AHDC1: variants seen among roughly 807,000 people sequenced by gnomAD.
AHDC1 encodes AT-hook DNA binding motif containing 1.
A neutral mutation model predicts 87.9 loss-of-function variants in AHDC1; 7 were observed. The observed-to-expected ratio is 0.08, with a 90% confidence interval of 0.05 to 0.15. AHDC1 has a LOEUF of 0.15. Among genes scored for constraint, AHDC1 ranks in the 10% least tolerant of loss-of-function variants. The pLI, the probability that AHDC1 is intolerant of heterozygous loss-of-function variation, is 1.00. For synonymous variants in AHDC1, 1,051 were observed against 1,006.8 expected (o/e 1.04, Z -0.83); for missense variants, 1,841 against 2,253.2 (o/e 0.82, Z 3.70).
chr1:27,592,578 C>T (rs1361970345), intron 3 of AHDC1, among the ~76,000 whole-genome samples: 2 of 151,952 alleles, frequency 1.3e-5, no homozygotes, highest in South Asian at 2.1e-4. Flanking sequence ...CCGCCCTCCC[C>T]CCCCCAGGCC....
At chr1:27,588,966 G>C (rs2089146957) in intron 3 of AHDC1, among the ~76,000 whole-genome samples, 1 of 152,074 alleles carries the variant, frequency 6.6e-6, no homozygotes, top group Non-Finnish European at 1.5e-5. Flanking sequence ...CTATGTATGG[G>C]GGGGCTGTTG....
In AHDC1 at chr1:27,550,976, G is replaced by A. The variant is rs1432545785; in HGVS notation, c.1140C>T (p.Pro380=). ...PHGPPGPEGH[P]KYALRRTDRP... is the part of the protein sequence containing the mutation. ...TATCAGTGCGCCGCAAGGCGTACTT[G>A]GGGTGACCCTCAGGCCCGGGGGGGC... Residue 380 remains proline (P), a synonymous_variant, in exon 8 of 9, where the codon CCC becomes CCT. Transcript: ENST00000673934. 1 of 1,591,688 alleles carries A rather than the reference G, an allele frequency of 6.3e-7. No homozygotes were observed. Among genetic ancestry groups the A allele is most frequent in the Non-Finnish European group, 8.5e-7 (1 of 1,175,436 alleles).
chr1:27,551,534 G>A lies in AHDC1; in HGVS notation c.582C>T (p.Ser194=), dbSNP rs755014354. Residue 194 remains serine (S), a synonymous_variant, in exon 8 of 9, where the codon AGC becomes AGT. Coordinates refer to ENST00000673934, the MANE Select transcript of AHDC1 (RefSeq NM_001371928.1). The stretch of plus-strand genomic sequence containing the variant: ...CAGGCTCAGGCTCGTAGAGGGGATG[G>A]CTGGGCCGCTCCGACTTGGCGTGTG... The part of the protein sequence containing the change: ...ATPHAKSERP[S]HPLYEPEPEP... 2 of 1,605,122 alleles carry A rather than the reference G, an allele frequency of 1.2e-6. No homozygotes were observed. The highest frequency in any genetic ancestry group is 1.3e-5 in the African/African-American group (1 of 74,822).
rs771077254 is a variant in AHDC1 at position 27,558,568 on chromosome 1, A to G, written c.-450-38T>C. 2.5e-6 allele frequency: 1 copy of G among 396,092 alleles called. No individual in the cohort carries two copies. Among genetic ancestry groups the G allele is most frequent in the Non-Finnish European group, 4.4e-6 (1 of 225,062 alleles). 24.5% of individuals were successfully genotyped at this position (396,092 alleles called of 1,614,324 possible). A position where few individuals can be genotyped will look rare whatever the true frequency, so the allele number is the denominator to read the frequency against. ...GAGTTTGAGTAAATGTTGGGTTAAT[A>G]TGTTTTGATTCTGTAAAGAAGCTCT... is the stretch of plus-strand genomic sequence containing the variant. On this transcript the variant is annotated intron_variant, in intron 4 of 8. Transcript: ENST00000673934. The surrounding 1 kb of genome is among the most constrained non-coding windows in gnomAD (Gnocchi z 5.6).
rs527817056 is a variant in AHDC1 at position 27,552,022 on chromosome 1, G to C, written c.94C>G (p.Pro32Ala). The C allele has an allele frequency of 6.3e-6, 6 of 952,578 alleles. No homozygotes were observed. Among genetic ancestry groups the C allele is most frequent in the African/African-American group, 1.8e-5 (1 of 56,592 alleles). 59.0% of individuals were successfully genotyped at this position (952,578 alleles called of 1,614,324 possible). A position where few individuals can be genotyped will look rare whatever the true frequency, so the allele number is the denominator to read the frequency against. ...LREPKYYPGG[P>A]PTPRPLLPTR... ...GGAAGCAGGGGCCGGGGGGTGGGGG[G>C]GCCGCCGGGGTAGTACTTGGGTTCC... The change falls in exon 8 of 9, where the codon CCC becomes GCC. Residue 32 changes from proline (P) to alanine (A), a missense_variant. This residue lies in a region of AHDC1 where 142 missense variants were observed against 165.6 expected (regional missense o/e 0.86). Coordinates refer to ENST00000673934, the MANE Select transcript of AHDC1 (RefSeq NM_001371928.1).
chr1:27,548,385 G>T lies in AHDC1; in HGVS notation c.3731C>A (p.Ala1244Asp). Residue 1244 changes from alanine (A) to aspartate (D), a missense_variant, in exon 8 of 9, where the codon GCC becomes GAC. Ala to Asp is a moderately radical substitution (Grantham distance 126). Around this residue, in one of 13 missense-constraint regions of AHDC1, gnomAD observed 505 missense variants for 626.2 expected, o/e 0.81. Transcript: ENST00000673934. Reference protein sequence around the residue: ...GRRKKVDLFEASHLGFPTSAS... With the variant: ...GRRKKVDLFEDSHLGFPTSAS... ...GGATGTCGGGAAGCCCAGATGTGAG[G>T]CCTCGAACAGGTCCACCTTCTTCCG... 1 of 1,607,978 alleles carries T rather than the reference G, an allele frequency of 6.2e-7. No individual in the cohort carries two copies.
At chr1:27,559,732 T>C (rs1557676994) in intron 3 of AHDC1, among the ~76,000 whole-genome samples, 1 of 152,202 alleles carries the variant, frequency 6.6e-6, no homozygotes, top group Non-Finnish European at 1.5e-5. Context: ...TAACTAGTTA[T>C]GTCTCTTGTT....
chr1:27,551,123 G>A lies in AHDC1; in HGVS notation c.993C>T (p.Pro331=), dbSNP rs1271478732. The change falls in exon 8 of 9, where the codon CCC becomes CCT. Residue 331 remains proline (P), a synonymous_variant. Transcript: ENST00000673934. ...PDSLESQLLD[P]QALDPLPKLL... ...GCTTGGGCAGGGGGTCGAGTGCCTG[G>A]GGGTCAAGCAGCTGCGACTCCAAGG... is the stretch of plus-strand genomic sequence containing the variant. The A allele has an allele frequency of 2.5e-6, 4 of 1,591,542 alleles. No homozygotes were observed. Among genetic ancestry groups the A allele is most frequent in the South Asian group, 1.1e-5 (1 of 89,346 alleles).
intron 5 of AHDC1, chr1:27,553,400 T>A (rs772839668): frequency 5.9e-5 from 9 of 152,194 alleles, no homozygotes; most frequent in Non-Finnish European, 1.2e-4. Context: ...AAGTACCTAC[T>A]TTGGACAAGG....
At position 27,560,899 on chromosome 1, in the gene AHDC1, G is replaced by A. The variant is rs556711576; in HGVS notation, c.-628-2016C>T. Among the ~76,000 whole-genome samples, 3 of 152,198 alleles carry A rather than the reference G, an allele frequency of 2.0e-5. No homozygotes were observed. The highest frequency in any genetic ancestry group is 4.4e-5 in the Non-Finnish European group (3 of 67,998). ...TGAGATACCCTTTGTGAGACGGTGT[G>A]TGTGTGTCTGTGTCACTGTGTTTGT... On this transcript the variant is annotated intron_variant, in intron 3 of 8. Transcript: ENST00000673934. The surrounding 1 kb of genome is among the most constrained non-coding windows in gnomAD (Gnocchi z 4.1).
Position 27,558,747 on chromosome 1 carries a change from C to T in AHDC1, c.-492G>A, listed in dbSNP as rs2019936320. 5.0e-6 allele frequency: 2 copies of T among 398,672 alleles called. No homozygotes were observed. Among genetic ancestry groups the T allele is most frequent in the Non-Finnish European group, 8.8e-6 (2 of 226,086 alleles). 24.7% of individuals were successfully genotyped at this position (398,672 alleles called of 1,614,324 possible). On this transcript the variant is annotated 5_prime_UTR_variant, in exon 4 of 9. Coordinates refer to ENST00000673934, the MANE Select transcript of AHDC1 (RefSeq NM_001371928.1). The surrounding 1 kb of genome is among the most constrained non-coding windows in gnomAD (Gnocchi z 5.6). ...GATAGGCTGGGCTCAGCAGGAAAGG[C>T]CTGTCTTCATCAGCATCTCCAGGGT...
Position 27,548,835 on chromosome 1 carries a change from G to C in AHDC1, c.3281C>G (p.Pro1094Arg). The change falls in exon 8 of 9, where the codon CCC becomes CGC. Residue 1094 changes from proline to arginine, a missense_variant. Physicochemically the swap from Pro to Arg is moderately radical, Grantham distance 103. Coordinates refer to ENST00000673934, the MANE Select transcript of AHDC1 (RefSeq NM_001371928.1). ...AASSSSSSFQ[P>R]SPENCRQFAG... ...AAACTGCCGACAGTTCTCGGGCGAG[G>C]GCTGGAAGGAGGAGGAGGAGGAGGA... The C allele has an allele frequency of 1.2e-6, 2 of 1,613,090 alleles. No homozygotes were observed. The highest frequency in any genetic ancestry group is 2.2e-5 in the South Asian group (2 of 91,086).
chr1:27,549,163 T>C lies in AHDC1; in HGVS notation c.2953A>G (p.Lys985Glu). The C allele has an allele frequency of 6.4e-7, 1 of 1,570,422 alleles. No individual in the cohort carries two copies. The highest frequency in any genetic ancestry group is 1.7e-4 in the Middle Eastern group (1 of 5,868). ...GCGCAGTCCTGGCCTGTAAAGGGCT[T>C]AGTTGGGGCGAATACGCTTTGTCCG... ...GAGQSVFAPT[K>E]PFTGQDCANS... The change falls in exon 8 of 9, where the codon AAG (lysine) becomes GAG (glutamate). Residue 985 changes from lysine to glutamate, a missense_variant. By Grantham distance (56) the Lys-to-Glu change is moderately conservative. Around this residue, in one of 13 missense-constraint regions of AHDC1, gnomAD observed 378 missense variants for 399.0 expected, o/e 0.95. Transcript: ENST00000673934.
intron 3 of AHDC1, among the ~76,000 whole-genome samples, chr1:27,585,499 TA>T (rs2089028837): frequency 6.6e-6 from 1 of 152,202 alleles, no homozygotes; most frequent in Non-Finnish European, 1.5e-5. Context: ...GTAAACACTA[TA>T]TACATGTTTG....
intron 3 of AHDC1, among the ~76,000 whole-genome samples, chr1:27,571,597 C>T (rs543062739): frequency 1.6e-4 from 24 of 152,242 alleles, no homozygotes; most frequent in Non-Finnish European, 2.9e-4. Context: ...CTCAGGAATT[C>T]CACCAGCCAA....
chr1:27,554,061 C>A (rs1442243919), intron 5 of AHDC1, among the ~76,000 whole-genome samples: 1 of 152,112 alleles, frequency 6.6e-6, no homozygotes, highest in East Asian at 1.9e-4. Flanking sequence ...AGAGTGAGAT[C>A]CTTTCTCCAA....
chr1:27,537,387 C>T (rs375447642), intron 8 of AHDC1, among the ~76,000 whole-genome samples: 7 of 152,322 alleles, frequency 4.6e-5, no homozygotes, highest in African/African-American at 1.2e-4. Flanking sequence ...GGCTGTGCCA[C>T]GGAAGGTCCT....
chr1:27,584,655 G>A (rs1458733294), intron 3 of AHDC1, among the ~76,000 whole-genome samples: 1 of 152,136 alleles, frequency 6.6e-6, no homozygotes, highest in Non-Finnish European at 1.5e-5. Context: ...AGCGGGGTGA[G>A]CTGTGCTCTA....
In AHDC1 at chr1:27,550,250, C is replaced by T; in HGVS notation, c.1866G>A (p.Leu622=). Residue 622 remains leucine (L), a synonymous_variant, in exon 8 of 9, where the codon CTG becomes CTA. Coordinates refer to ENST00000673934, the MANE Select transcript of AHDC1 (RefSeq NM_001371928.1). ...YSDVLAKLAF[L]NRQSQCAGRC... Reference sequence around the variant, plus strand: ...GTCCAGCGCACTGGCTCTGGCGGTTCAGGAAGGCCAGCTTGGCCAGGACGT... The same window carrying T: ...GTCCAGCGCACTGGCTCTGGCGGTTTAGGAAGGCCAGCTTGGCCAGGACGT... 6.2e-7 allele frequency: 1 copy of T among 1,613,916 alleles called. No homozygotes were observed. Among genetic ancestry groups the T allele is most frequent in the Non-Finnish European group, 8.5e-7 (1 of 1,179,990 alleles).
Sources: allele counts gnomAD v4.1 joint callset (sites outside exome capture counted in the v4.1 genomes callset), GRCh38; gene constraint gnomAD v4.1.1; regional missense constraint gnomAD v4.1.1; non-coding constraint Gnocchi (gnomAD v3.1); transcripts MANE v1.5; gene names NCBI Gene and HGNC (gene_info 2026-07-23, HGNC 2026-07-21).